Variants in NYAP2 observed in about 807,000 individuals in gnomAD.
The protein encoded by NYAP2 is neuronal tyrosine-phosphorylated phosphoinositide-3-kinase adapter 2.
In NYAP2, 23 loss-of-function variants were observed where a neutral mutation model predicts 50.4. That is an observed-to-expected ratio of 0.46 (90% CI 0.33 to 0.65). The LOEUF (loss-of-function observed/expected upper bound fraction) is 0.65. Ranked by LOEUF, NYAP2 falls within the 30% of genes least tolerant of loss-of-function variation. The pLI is 0.02. For synonymous variants in NYAP2, 394 were observed against 365.2 expected, an observed-to-expected ratio of 1.08 and a Z score of -0.90; for missense variants, 885 against 861.0, an observed-to-expected ratio of 1.03 and a Z score of -0.35.
chr2:225,415,913 T>C (rs1022241409), intron 3 of NYAP2, among the ~76,000 whole-genome samples: 2 of 152,076 alleles, frequency 1.3e-5, no homozygotes, highest in Non-Finnish European at 2.9e-5. Flanking sequence ...TCCTCCTATC[T>C]AGAATTAAAC....
At chr2:225,671,283 T>C in the NYAP2 span, among the ~76,000 whole-genome samples, 1 of 152,182 alleles carries the variant, frequency 6.6e-6, no homozygotes, top group Non-Finnish European at 1.5e-5. Flanking sequence ...CACTGCTTTA[T>C]CAACTAAGCT....
intron 3 of NYAP2, among the ~76,000 whole-genome samples, chr2:225,497,996 G>A (rs894287501): frequency 2.6e-5 from 4 of 151,814 alleles, no homozygotes; most frequent in Non-Finnish European, 5.9e-5. Context: ...AAAGATTTTG[G>A]TCTTCTAGAT....
intron 3 of NYAP2, among the ~76,000 whole-genome samples, chr2:225,503,777 A>G (rs922527684): frequency 7.2e-5 from 11 of 152,182 alleles, no homozygotes; most frequent in African/African-American, 1.9e-4. Flanking sequence ...TTAAATTATC[A>G]TGGTGTTTGA....
intron 3 of NYAP2, among the ~76,000 whole-genome samples, chr2:225,463,507 A>G (rs533327458): frequency 6.6e-6 from 1 of 152,378 alleles, no homozygotes; most frequent in East Asian, 1.9e-4. Context: ...GTAATAGTGA[A>G]TACTTCAGGG....
chr2:225,484,327 T>G (rs1203609631), intron 3 of NYAP2, among the ~76,000 whole-genome samples: 1 of 152,232 alleles, frequency 6.6e-6, no homozygotes, highest in Non-Finnish European at 1.5e-5. Context: ...TTGACTTAGC[T>G]AGGAGGGCAG....
chr2:225,617,338 A>G (rs575195444), intron 5 of NYAP2, among the ~76,000 whole-genome samples: 1 of 152,264 alleles, frequency 6.6e-6, no homozygotes, highest in East Asian at 1.9e-4. Context: ...CTGAGGCAGG[A>G]GAATTGCTTG....
chr2:225,440,631 A>G (rs1354059951), intron 3 of NYAP2, among the ~76,000 whole-genome samples: 1 of 152,156 alleles, frequency 6.6e-6, no homozygotes, highest in African/African-American at 2.4e-5. Context: ...GATCAAGGAG[A>G]GAGTGAAAGA....
chr2:225,575,377 A>G (rs1430597641), intron 4 of NYAP2, among the ~76,000 whole-genome samples: 2 of 152,296 alleles, frequency 1.3e-5, no homozygotes, highest in African/African-American at 4.8e-5. Flanking sequence ...TAACTGCATA[A>G]TTTAGAGATG....
chr2:225,629,484 A>G (rs924000731), intron 6 of NYAP2, among the ~76,000 whole-genome samples: 1 of 152,224 alleles, frequency 6.6e-6, no homozygotes, highest in African/African-American at 2.4e-5. Context: ...TTACATAAAA[A>G]TATGAATACT....
intron 6 of NYAP2, among the ~76,000 whole-genome samples, chr2:225,641,480 C>G (rs1693532624): frequency 8.8e-6 from 1 of 114,042 alleles, no homozygotes; most frequent in Non-Finnish European, 1.8e-5. Flanking sequence ...AACACACACA[C>G]AATTTTTTTT....
chr2:225,455,203 T>G (rs1689720677), intron 3 of NYAP2, among the ~76,000 whole-genome samples: 1 of 152,252 alleles, frequency 6.6e-6, no homozygotes, highest in Non-Finnish European at 1.5e-5. Flanking sequence ...TTCAGACTCC[T>G]GAACTCCACA....
intron 5 of NYAP2, among the ~76,000 whole-genome samples, chr2:225,619,749 G>C (rs576263782): frequency 1.3e-5 from 2 of 152,172 alleles, no homozygotes; most frequent in Non-Finnish European, 2.9e-5. Context: ...ATCCTGGAGA[G>C]AGTGTTTGCT....
intron 4 of NYAP2, among the ~76,000 whole-genome samples, chr2:225,526,059 A>G (rs1274090102): frequency 6.6e-6 from 1 of 152,164 alleles, no homozygotes; most frequent in Non-Finnish European, 1.5e-5. Context: ...TGAGCCTGGA[A>G]GTAGATTTTT....
intron 3 of NYAP2, among the ~76,000 whole-genome samples, chr2:225,477,480 C>T (rs932921654): frequency 1.3e-5 from 2 of 152,022 alleles, no homozygotes; most frequent in African/African-American, 4.8e-5. Flanking sequence ...TCGTGATCCG[C>T]CTGCCTCGGC....
chr2:225,535,264 G>T (rs1397872382), intron 4 of NYAP2, among the ~76,000 whole-genome samples: 1 of 152,128 alleles, frequency 6.6e-6, no homozygotes, highest in Non-Finnish European at 1.5e-5. Context: ...ACTTAACACT[G>T]GGCCAGCCAG....
downstream of NYAP2, among the ~76,000 whole-genome samples, chr2:225,657,137 C>T (rs1326153666): frequency 3.3e-5 from 4 of 120,102 alleles, no homozygotes. Flanking sequence ...TGAGACAGAG[C>T]TTCACTCTTG....
intron 3 of NYAP2, among the ~76,000 whole-genome samples, chr2:225,413,794 A>G (rs2106122307): frequency 6.6e-6 from 1 of 152,312 alleles, no homozygotes; most frequent in East Asian, 1.9e-4. Context: ...ATTATGTAAC[A>G]TATCTACTGG....
chr2:225,598,122 G>T (rs1426646294), intron 5 of NYAP2, among the ~76,000 whole-genome samples: 1 of 152,056 alleles, frequency 6.6e-6, no homozygotes, highest in Non-Finnish European at 1.5e-5. Flanking sequence ...ACGCTGGAGG[G>T]CCTTCACATA....
chr2:225,443,123 G>A (rs189019119), intron 3 of NYAP2, among the ~76,000 whole-genome samples: 1 of 152,286 alleles, frequency 6.6e-6, no homozygotes, highest in East Asian at 1.9e-4. Flanking sequence ...GACACATGGG[G>A]ATAATGGGAG....
Sources: allele counts gnomAD v4.1 joint callset (sites outside exome capture counted in the v4.1 genomes callset), GRCh38; gene constraint gnomAD v4.1.1; transcripts MANE v1.5; gene names NCBI Gene and HGNC (gene_info 2026-07-23, HGNC 2026-07-21).